The following NAGLU variants were observed in gnomAD, a reference collection of about 807,000 sequenced individuals.
The protein encoded by NAGLU is N-acetyl-alpha-glucosaminidase.
A neutral mutation model predicts 43.4 loss-of-function variants in NAGLU; 34 were observed. That is an observed-to-expected ratio of 0.78 (90% CI 0.60 to 1.04). The LOEUF (loss-of-function observed/expected upper bound fraction) is 1.04, where lower values mean the gene tolerates loss of function less well. Ranked by LOEUF, NAGLU falls within the 50% of genes least tolerant of loss-of-function variation. NAGLU has a pLI of 0.00. For synonymous variants in NAGLU, 425 were observed against 437.6 expected (o/e 0.97, Z 0.36); for missense variants, 910 against 993.7 (o/e 0.92, Z 1.13).
intron 4 of NAGLU, among the ~76,000 whole-genome samples, chr17:42,540,021 T>C (rs2092917352): frequency 1.4e-5 from 2 of 144,874 alleles, no homozygotes; most frequent in African/African-American, 5.2e-5. Flanking sequence ...GGCTGAGGCA[T>C]GAGAATCTCT....
intron 5 of NAGLU, 118 bp from the exon 6 acceptor site, chr17:42,542,910 G>A (rs1043049931): frequency 2.7e-6 from 4 of 1,457,260 alleles, no homozygotes; most frequent in African/African-American, 2.8e-5. Flanking sequence ...TCCCGCTGGT[G>A]GGGGTCATGG....
chr17:42,541,424 C>T (rs771360843), intron 5 of NAGLU, among the ~76,000 whole-genome samples: 18 of 152,208 alleles, frequency 1.2e-4, no homozygotes, highest in African/African-American at 3.1e-4. Context: ...TCACACCTCG[C>T]GCTCCTATTT....
At chr17:42,537,376 C>T (rs2092909348) in intron 1 of NAGLU, 22 bp from the exon 2 acceptor site, 1 of 1,613,876 alleles carries the variant, frequency 6.2e-7, no homozygotes. Flanking sequence ...GGATGCGCCC[C>T]TGCTCATGAC....
In NAGLU at chr17:42,540,996, T is replaced by G; in HGVS notation, c.811T>G (p.Phe271Val). ...CACGAAGATGGGCAGTTGGGGCCAC[T>G]TTAACTGTTCCTACTCCTGCTCCTT... ...NVTKMGSWGH[F>V]NCSYSCSFLL... is the part of the protein sequence containing the mutation. Residue 271 changes from phenylalanine to valine, a missense_variant, in exon 5 of 6, where the codon TTT (phenylalanine) becomes GTT (valine). Phe to Val is a conservative substitution (Grantham distance 50). Transcript: ENST00000225927. The G allele has an allele frequency of 1.2e-6, 2 of 1,614,204 alleles. No individual in the cohort carries two copies. Among genetic ancestry groups the G allele is most frequent in the Non-Finnish European group, 1.7e-6 (2 of 1,180,030 alleles).
chr17:42,539,362 C>G (rs535873171), intron 4 of NAGLU, among the ~76,000 whole-genome samples: 3 of 152,336 alleles, frequency 2.0e-5, no homozygotes, highest in African/African-American at 7.2e-5. Flanking sequence ...CTCCAGTGTC[C>G]CTTGTCCCTC....
At position 42,541,179 on chromosome 17, in the gene NAGLU, A is replaced by G. The variant is rs1396937813; in HGVS notation, c.994A>G (p.Thr332Ala). ...GCCCTCCTACCTTGCCGCAGCCACC[A>G]CTGCCGTCTATGAGGCCATGACTGC... ...SEPSYLAAAT[T>A]AVYEAMTAVD... Residue 332 changes from threonine to alanine, a missense_variant, in exon 5 of 6, where the codon ACT becomes GCT. By Grantham distance (58) the Thr-to-Ala change is moderately conservative. Coordinates refer to ENST00000225927, the MANE Select transcript of NAGLU (RefSeq NM_000263.4). The G allele has an allele frequency of 1.9e-5, 30 of 1,613,262 alleles. No homozygotes were observed. The highest frequency in any genetic ancestry group is 2.4e-5 in the Non-Finnish European group (28 of 1,179,994).
chr17:42,544,253 C>T lies in NAGLU; in HGVS notation c.*15C>T. 1 of 1,606,294 alleles carries T rather than the reference C, an allele frequency of 6.2e-7. No homozygotes were observed. The highest frequency in any genetic ancestry group is 1.1e-5 in the South Asian group (1 of 91,070). On this transcript the variant is annotated 3_prime_UTR_variant, in exon 6 of 6. Coordinates refer to ENST00000225927, the MANE Select transcript of NAGLU (RefSeq NM_000263.4). ...GCTCTTGGTGATAGATTCGCCACCA[C>T]TGGGCCTTGTTTTCCGCTAATTCCA...
intron 4 of NAGLU, among the ~76,000 whole-genome samples, chr17:42,540,399 T>TAA (rs748272091): frequency 6.7e-4 from 83 of 123,798 alleles, no homozygotes; most frequent in African/African-American, 2.0e-3. Flanking sequence ...AAAGTATAAT[T>TAA]AAAAAAAAAA....
rs766094935 is a variant in NAGLU at position 42,543,182 on chromosome 17, C to T, written c.1176C>T (p.Thr392=). ...DLFAESQPVY[T]RTASFQGQPF... Reference sequence around the variant, plus strand: ...TTGCTGAGAGCCAGCCTGTGTATACCCGCACTGCCTCCTTCCAGGGCCAGC... The same window carrying T: ...TTGCTGAGAGCCAGCCTGTGTATACTCGCACTGCCTCCTTCCAGGGCCAGC... The change falls in exon 6 of 6, where the codon ACC becomes ACT. Residue 392 remains threonine, a synonymous_variant. Transcript: ENST00000225927. 57 of 1,614,086 alleles carry T rather than the reference C, an allele frequency of 3.5e-5. No homozygotes were observed. Among genetic ancestry groups the T allele is most frequent in the Admixed American group, 8.3e-5 (5 of 60,010 alleles).
intron 4 of NAGLU, 147 bp from the exon 5 acceptor site, chr17:42,540,803 A>AAGC: frequency 8.5e-7 from 1 of 1,176,098 alleles, no homozygotes; most frequent in Non-Finnish European, 1.3e-6. Flanking sequence ...AAGGAGAAGA[A>AAGC]AGGACTGTAG....
At chr17:42,537,322 G>A (rs774416018) in intron 1 of NAGLU, 76 bp from the exon 2 acceptor site, 7 of 1,601,688 alleles carry the variant, frequency 4.4e-6, no homozygotes, top group African/African-American at 2.7e-5. Flanking sequence ...TCCTCTAGGT[G>A]GGGGATGGGG....
rs774472259 is a variant in NAGLU at position 42,543,676 on chromosome 17, G to A, written c.1670G>A (p.Arg557His). ...TCCCTGGCCACCAGCCCCGCCTTCC[G>A]CTACGACCTGCTGGACCTCACTCGG... ...APSLATSPAF[R>H]YDLLDLTRQA... Residue 557 changes from arginine to histidine, a missense_variant, in exon 6 of 6, where the codon CGC becomes CAC. Arg to His is a conservative substitution (Grantham distance 29). Transcript: ENST00000225927. The A allele has an allele frequency of 3.0e-5, 49 of 1,612,786 alleles. No homozygotes were observed. The highest frequency in any genetic ancestry group is 4.1e-5 in the Non-Finnish European group (48 of 1,180,012).
Position 42,536,606 on chromosome 17 carries a change from C to A in NAGLU, c.334C>A (p.Arg112=). The change falls in exon 1 of 6, where the codon CGG becomes AGG. Residue 112 remains arginine, a synonymous_variant. Transcript: ENST00000225927. ...AWSGSQLRLP[R]PLPAVPGELT... is the part of the protein sequence containing the mutation. ...GTCCGGCTCTCAGCTGCGCCTGCCG[C>A]GGCCACTGCCAGCCGTGCCGGGGGA... 3.3e-6 allele frequency: 5 copies of A among 1,492,880 alleles called. No individual in the cohort carries two copies. The highest frequency in any genetic ancestry group is 1.5e-5 in the African/African-American group (1 of 68,654). The allele number at this position is 1,492,880 out of a possible 1,614,324, so 92.5% of individuals were successfully genotyped here. A position where few individuals can be genotyped will look rare whatever the true frequency, so the allele number is the denominator to read the frequency against.
In NAGLU at chr17:42,537,460, G is replaced by T. The variant is rs1489785243; in HGVS notation, c.446G>T (p.Arg149Leu). The change falls in exon 2 of 6, where the codon CGC becomes CTC. Residue 149 changes from arginine (R) to leucine (L), a missense_variant. By Grantham distance (102) the Arg-to-Leu change is moderately radical. Coordinates refer to ENST00000225927, the MANE Select transcript of NAGLU (RefSeq NM_000263.4). ...SYSFVWWDWA[R>L]WEREIDWMAL... ...TCTTTCGTGTGGTGGGACTGGGCCC[G>T]CTGGGAGCGAGAGATAGACTGGATG... The T allele has an allele frequency of 1.2e-6, 2 of 1,614,128 alleles. No homozygotes were observed. The highest frequency in any genetic ancestry group is 2.2e-5 in the East Asian group (1 of 44,902).
intron 5 of NAGLU, among the ~76,000 whole-genome samples, chr17:42,542,212 C>A (rs779151418): frequency 5.9e-5 from 9 of 151,956 alleles, no homozygotes; most frequent in Non-Finnish European, 8.8e-5. Flanking sequence ...ACAGGCGCCC[C>A]CCAACCACAC....
At chr17:42,540,892 A>G (rs555880411) in intron 4 of NAGLU, 58 bp from the exon 5 acceptor site, 1 of 1,613,844 alleles carries the variant, frequency 6.2e-7, no homozygotes, top group Non-Finnish European at 8.5e-7. Context: ...GCTGTTGAAC[A>G]CTATGGTGAA....
Position 42,543,110 on chromosome 17 carries a change from T to G in NAGLU, c.1104T>G (p.Ala368=). 3 of 1,613,074 alleles carry G rather than the reference T, an allele frequency of 1.9e-6. No individual in the cohort carries two copies. Among genetic ancestry groups the G allele is most frequent in the Non-Finnish European group, 2.5e-6 (3 of 1,180,034 alleles). The change falls in exon 6 of 6, where the codon GCT becomes GCG. Residue 368 remains alanine (A), a synonymous_variant. Transcript: ENST00000225927. Reference sequence around the variant, plus strand: ...TCTGGGGGCCCGCCCAGATCAGGGCTGTGCTGGGAGCTGTGCCCCGTGGCC... The same window carrying G: ...TCTGGGGGCCCGCCCAGATCAGGGCGGTGCTGGGAGCTGTGCCCCGTGGCC... ...PQFWGPAQIR[A]VLGAVPRGRL... is the part of the protein sequence containing the mutation.
chr17:42,536,971 C>A, intron 1 of NAGLU: 1 of 479,698 alleles, frequency 2.1e-6, no homozygotes, highest in Admixed American at 3.8e-5. Flanking sequence ...TTTGAACCTG[C>A]GGACTGAGGA....
chr17:42,536,785 T>A, intron 1 of NAGLU, 130 bp downstream of exon 1: 6 of 1,336,058 alleles, frequency 4.5e-6, no homozygotes, highest in Non-Finnish European at 4.8e-6. Context: ...CCAGCAGCTG[T>A]GTGGCCTTGA....
Sources: gnomAD v4.1 joint callset for allele counts (sites outside exome capture counted in the v4.1 genomes callset) on GRCh38, gnomAD v4.1.1 for gene constraint, MANE v1.5 for transcripts, NCBI Gene and HGNC (gene_info 2026-07-23, HGNC 2026-07-21) for gene names.